Variants in ZNF385B observed in about 807,000 individuals in gnomAD.
ZNF385B encodes zinc finger protein 385B.
Under a neutral mutation model 39.2 loss-of-function variants are expected in ZNF385B, and 23 were observed. The observed-to-expected ratio is 0.59, with a 90% CI of 0.42 to 0.83. The LOEUF (loss-of-function observed/expected upper bound fraction) is 0.83, where lower values mean the gene tolerates loss of function less well. ZNF385B is among the 40% of genes least tolerant of loss of function. The pLI is 0.00. For synonymous variants in ZNF385B, 205 were observed against 222.6 expected (o/e 0.92, Z 0.70); for missense variants, 552 against 598.9 (o/e 0.92, Z 0.82).
chr2:179,686,490 A>G (rs1207944539), intron 3 of ZNF385B, among the ~76,000 whole-genome samples: 2 of 152,204 alleles, frequency 1.3e-5, no homozygotes, highest in Non-Finnish European at 2.9e-5. Flanking sequence ...GCTGAAGGAG[A>G]TCTGGGTTCT....
chr2:179,528,120 G>T (rs1017419040), intron 4 of ZNF385B, among the ~76,000 whole-genome samples: 7 of 152,134 alleles, frequency 4.6e-5, no homozygotes, highest in Non-Finnish European at 7.3e-5. Flanking sequence ...TAGAGAAGTT[G>T]ATACAGAATC....
At chr2:179,767,080 C>T (rs1334134780) in intron 3 of ZNF385B, among the ~76,000 whole-genome samples, 1 of 152,160 alleles carries the variant, frequency 6.6e-6, no homozygotes, top group African/African-American at 2.4e-5. Context: ...CTTGCCAGGA[C>T]TAACACAGTG....
intron 3 of ZNF385B, among the ~76,000 whole-genome samples, chr2:179,646,745 A>G (rs1692754753): frequency 2.0e-5 from 3 of 152,242 alleles, no homozygotes. Context: ...ATGTGCTCCT[A>G]GTTTAAATGT....
intron 4 of ZNF385B, chr2:179,534,871 T>C (rs2059462915): frequency 6.6e-6 from 1 of 152,196 alleles, no homozygotes; most frequent in Non-Finnish European, 1.5e-5. Flanking sequence ...TAGGATATAG[T>C]TGATGAATGA....
chr2:179,469,910 A>G (rs529492388), intron 6 of ZNF385B, among the ~76,000 whole-genome samples: 2 of 152,332 alleles, frequency 1.3e-5, no homozygotes, highest in South Asian at 4.1e-4. Flanking sequence ...TGACTGGATT[A>G]GGCATGTACA....
chr2:179,492,448 G>A (rs989420552), intron 5 of ZNF385B, among the ~76,000 whole-genome samples: 1 of 151,940 alleles, frequency 6.6e-6, no homozygotes, highest in Non-Finnish European at 1.5e-5. Context: ...CAGTCCAGAA[G>A]GTATTACACT....
chr2:179,591,870 A>C (rs1687594931), intron 3 of ZNF385B, among the ~76,000 whole-genome samples: 1 of 152,154 alleles, frequency 6.6e-6, no homozygotes, highest in Admixed American at 6.6e-5. Context: ...CTGTAAGATC[A>C]CTTGGACCCC....
At chr2:179,566,813 A>G (rs1684631369) in intron 3 of ZNF385B, among the ~76,000 whole-genome samples, 1 of 152,170 alleles carries the variant, frequency 6.6e-6, no homozygotes, top group African/African-American at 2.4e-5. Flanking sequence ...TGACAAATGC[A>G]TAATGACTTG....
In ZNF385B at chr2:179,769,504, T is replaced by C; in HGVS notation, c.297A>G (p.Thr99=). 6.2e-7 allele frequency: 1 copy of C among 1,613,664 alleles called. No individual in the cohort carries two copies. The highest frequency in any genetic ancestry group is 8.5e-7 in the Non-Finnish European group (1 of 1,179,908). Residue 99 remains threonine, a splice_region_variant and synonymous_variant, in exon 3 of 10, where the codon ACA becomes ACG. Transcript: ENST00000410066. The part of the protein sequence containing the change: ...AQASPSSNSS[T]GSTCHTTTLP... ...GGAACCCGGGACCCTGCCTCCTACC[T>C]GTGCTGCTGTTGCTGCTGGGGCTGG...
chr2:179,493,763 GTATACATATATGTATATACACATA>G, intron 5 of ZNF385B, among the ~76,000 whole-genome samples: 1 of 85,330 alleles, frequency 1.2e-5, no homozygotes, highest in Non-Finnish European at 2.6e-5. Context: ...ATACATATAT[GTATACATATATGTATATACACATA>G]TGTATACATA....
chr2:179,643,334 G>C lies in ZNF385B; in HGVS notation c.299-98365C>G, dbSNP rs77561579. 3.9e-3 allele frequency among the ~76,000 whole-genome samples: 588 copies of C among 152,172 alleles called. 6 individuals carry two copies. Among genetic ancestry groups the C allele is most frequent in the African/African-American group, 0.013 (557 of 41,532 alleles). ...TTCAGAAAACCAATATTCTTCAAATGATCAATGCAAGAAATTACAGTATCA... is the reference window on the plus strand; with the variant it reads ...TTCAGAAAACCAATATTCTTCAAATCATCAATGCAAGAAATTACAGTATCA... On this transcript the variant is annotated intron_variant, in intron 3 of 9. Coordinates refer to ENST00000410066, the MANE Select transcript of ZNF385B (RefSeq NM_152520.6).
At chr2:179,764,456 A>G (rs919430708) in intron 3 of ZNF385B, among the ~76,000 whole-genome samples, 1 of 151,848 alleles carries the variant, frequency 6.6e-6, no homozygotes, top group African/African-American at 2.4e-5. Flanking sequence ...TATTGATGTT[A>G]GCCTTTAAGT....
At chr2:179,602,542 C>A (rs943688987) in intron 3 of ZNF385B, among the ~76,000 whole-genome samples, 2 of 152,082 alleles carry the variant, frequency 1.3e-5, no homozygotes, top group African/African-American at 2.4e-5. Context: ...TTCTACTTAG[C>A]ATAAATCACC....
chr2:179,717,585 A>C (rs1340916757), intron 3 of ZNF385B, among the ~76,000 whole-genome samples: 1 of 152,146 alleles, frequency 6.6e-6, no homozygotes, highest in African/African-American at 2.4e-5. Flanking sequence ...ATTTTTTAGA[A>C]GCTAGCCAGG....
intron 3 of ZNF385B, among the ~76,000 whole-genome samples, chr2:179,725,474 C>T (rs116173461): frequency 0.02 from 3,008 of 151,530 alleles, 84 homozygotes; most frequent in African/African-American, 0.067. Flanking sequence ...CATTTTCTTC[C>T]AAGATATATA....
At chr2:179,691,881 C>T (rs955677771) in intron 3 of ZNF385B, among the ~76,000 whole-genome samples, 1 of 151,902 alleles carries the variant, frequency 6.6e-6, no homozygotes, top group Non-Finnish European at 1.5e-5. Context: ...ATTATGAATA[C>T]ATAATAGTTG....
intron 3 of ZNF385B, among the ~76,000 whole-genome samples, chr2:179,760,982 C>A (rs918293883): frequency 1.3e-5 from 2 of 152,140 alleles, no homozygotes; most frequent in African/African-American, 4.8e-5. Flanking sequence ...TACTCCAGGA[C>A]CATTTGTTGA....
chr2:179,853,609 T>A (rs1684349866), intron 1 of ZNF385B, among the ~76,000 whole-genome samples: 1 of 152,226 alleles, frequency 6.6e-6, no homozygotes, highest in Non-Finnish European at 1.5e-5. Flanking sequence ...GGTTTAAAAG[T>A]CAGAGTTGCA....
chr2:179,698,821 G>A (rs1654646748), intron 3 of ZNF385B, among the ~76,000 whole-genome samples: 1 of 151,980 alleles, frequency 6.6e-6, no homozygotes, highest in East Asian at 1.9e-4. Context: ...TCTAAACTTT[G>A]CAGTCAAGCT....
Sources: gnomAD v4.1 joint callset for allele counts (sites outside exome capture counted in the v4.1 genomes callset) on GRCh38, gnomAD v4.1.1 for gene constraint, MANE v1.5 for transcripts, NCBI Gene and HGNC (gene_info 2026-07-23, HGNC 2026-07-21) for gene names.